ASTN1: variants seen among roughly 807,000 people sequenced by gnomAD.
ASTN1 encodes the protein astrotactin 1.
In ASTN1, 41 loss-of-function variants were observed where a neutral mutation model predicts 140.7. The observed-to-expected ratio is 0.29, with a 90% CI of 0.23 to 0.38. ASTN1 has a LOEUF of 0.38. Among genes scored for constraint, ASTN1 ranks in the 10% least tolerant of loss-of-function variants. ASTN1 has a pLI of 1.00. For missense variants in ASTN1, 1,479 were observed against 1,678.8 expected (o/e 0.88, Z 2.08); for synonymous variants, 640 against 652.2 (o/e 0.98, Z 0.29).
intron 2 of ASTN1, among the ~76,000 whole-genome samples, chr1:177,036,478 T>C (rs956535452): frequency 6.6e-6 from 1 of 152,212 alleles, no homozygotes; most frequent in Non-Finnish European, 1.5e-5. Flanking sequence ...GTAACTCAAA[T>C]TGGTGACAGA....
intron 21 of ASTN1, among the ~76,000 whole-genome samples, chr1:176,872,275 C>T (rs541485202): frequency 1.5e-4 from 22 of 150,764 alleles, no homozygotes; most frequent in East Asian, 1.9e-4. Context: ...AAATTGTTTT[C>T]GAGTGCTTAC....
At chr1:176,986,435 G>A (rs16850561) in intron 8 of ASTN1, among the ~76,000 whole-genome samples, 27,913 of 152,126 alleles carry the variant, frequency 0.18, 2,715 homozygotes, top group African/African-American at 0.24. Flanking sequence ...AGGGTAGTTG[G>A]ATGTAACACC....
At chr1:176,879,470 C>T (rs1014714829) in intron 20 of ASTN1, among the ~76,000 whole-genome samples, 1 of 152,188 alleles carries the variant, frequency 6.6e-6, no homozygotes, top group Non-Finnish European at 1.5e-5. Context: ...CATTCCTTAA[C>T]CCTGGACCCT....
intron 8 of ASTN1, among the ~76,000 whole-genome samples, chr1:177,007,118 T>C (rs566877077): frequency 6.6e-6 from 1 of 152,134 alleles, no homozygotes; most frequent in South Asian, 2.1e-4. Context: ...AGGTGCCAGG[T>C]GCGGTGGTTC....
At chr1:176,923,882 A>T (rs1446761274) in intron 16 of ASTN1, among the ~76,000 whole-genome samples, 1 of 152,190 alleles carries the variant, frequency 6.6e-6, no homozygotes, top group Non-Finnish European at 1.5e-5. Context: ...TCTGATGTAG[A>T]ATCTTCCCTT....
In ASTN1 at chr1:177,124,949, G is replaced by T. The variant is rs1681572856; in HGVS notation, c.283+39445C>A. 2.0e-5 allele frequency among the ~76,000 whole-genome samples: 3 copies of T among 152,196 alleles called. No individual in the cohort carries two copies. In the South Asian group the frequency reaches 6.2e-4, roughly 31 times the overall value. Reference sequence around the variant, plus strand: ...CTCTCACACGCCAACCCATCACTTGGCAAGTGTTCAGCCAGCATCAGCTAA... The same window carrying T: ...CTCTCACACGCCAACCCATCACTTGTCAAGTGTTCAGCCAGCATCAGCTAA... On this transcript the variant is annotated intron_variant, in intron 1 of 22. Transcript: ENST00000361833.
At chr1:177,095,234 G>A (rs1316235724) in intron 1 of ASTN1, among the ~76,000 whole-genome samples, 1 of 152,164 alleles carries the variant, frequency 6.6e-6, no homozygotes, top group Non-Finnish European at 1.5e-5. Flanking sequence ...AAATTTAAAA[G>A]ATTCTTAGCC....
At chr1:176,970,156 C>T (rs1239614446) in intron 8 of ASTN1, among the ~76,000 whole-genome samples, 1 of 152,214 alleles carries the variant, frequency 6.6e-6, no homozygotes, top group African/African-American at 2.4e-5. Flanking sequence ...ATTCTCTCTC[C>T]TCCCCTTTAG....
intron 1 of ASTN1, among the ~76,000 whole-genome samples, chr1:177,125,862 A>G (rs1278142636): frequency 1.3e-5 from 2 of 152,204 alleles, no homozygotes; most frequent in African/African-American, 4.8e-5. Context: ...AAAGGATAAT[A>G]TATTCTATGT....
At chr1:176,939,240 T>C (rs1671582469) in intron 14 of ASTN1, among the ~76,000 whole-genome samples, 1 of 152,206 alleles carries the variant, frequency 6.6e-6, no homozygotes, top group African/African-American at 2.4e-5. Flanking sequence ...TGCGTAAACT[T>C]GGCATTTCTT....
At chr1:176,868,783 G>A (rs527527122) in intron 22 of ASTN1, 61 bp downstream of exon 22, 266 of 1,486,048 alleles carry the variant, frequency 1.8e-4, no homozygotes, top group African/African-American at 1.4e-3. Flanking sequence ...GCAGTATTAC[G>A]GCACAAGAGG....
chr1:177,021,628 G>T (rs1290219111), intron 7 of ASTN1, among the ~76,000 whole-genome samples: 1 of 152,172 alleles, frequency 6.6e-6, no homozygotes, highest in East Asian at 1.9e-4. Flanking sequence ...TGAATGTAAA[G>T]CATAGAGGCA....
At chr1:177,154,543 G>A (rs533075711) in intron 1 of ASTN1, among the ~76,000 whole-genome samples, 41 of 152,250 alleles carry the variant, frequency 2.7e-4, no homozygotes, top group African/African-American at 9.4e-4. Context: ...TAAGTAGTAT[G>A]AGTAGATCTT....
chr1:176,923,647 C>T (rs182454320), intron 16 of ASTN1, among the ~76,000 whole-genome samples: 7 of 151,854 alleles, frequency 4.6e-5, no homozygotes, highest in South Asian at 2.1e-4. Context: ...AATCTCCTAC[C>T]GATTTATAAA....
chr1:177,031,025 A>C, intron 3 of ASTN1, 73 bp from the exon 4 acceptor site: 1 of 1,494,352 alleles, frequency 6.7e-7, no homozygotes, highest in Middle Eastern at 2.5e-4. Flanking sequence ...GGAAATCTGC[A>C]TAAACCAAGA....
At chr1:177,006,806 G>A (rs1188623503) in intron 8 of ASTN1, among the ~76,000 whole-genome samples, 2 of 152,142 alleles carry the variant, frequency 1.3e-5, no homozygotes, top group African/African-American at 4.8e-5. Context: ...GGGGTAGACA[G>A]CACTGTAGGT....
chr1:176,900,451 T>C (rs1022616460), intron 16 of ASTN1, among the ~76,000 whole-genome samples: 4 of 152,174 alleles, frequency 2.6e-5, no homozygotes, highest in African/African-American at 9.7e-5. Context: ...TGCTGGTGTG[T>C]TTCTCTCTCT....
In ASTN1 at chr1:176,863,218, C is replaced by T. The variant is rs1358155145; in HGVS notation, c.*1066G>A. On this transcript the variant is annotated 3_prime_UTR_variant, in exon 23 of 23. Coordinates refer to ENST00000361833, the MANE Select transcript of ASTN1 (RefSeq NM_004319.3). The stretch of plus-strand genomic sequence containing the variant: ...GTCATCAGAGAAACGATTTGCAAAA[C>T]TAGCAACACAAGCAAATTTAGCAAG... 1 of 985,794 alleles carries T rather than the reference C, an allele frequency of 1.0e-6. No homozygotes were observed. Among genetic ancestry groups the T allele is most frequent in the East Asian group, 1.1e-4 (1 of 8,830 alleles). 61.1% of individuals were successfully genotyped at this position (985,794 alleles called of 1,614,324 possible). A position where few individuals can be genotyped will look rare whatever the true frequency, so the allele number is the denominator to read the frequency against.
At chr1:177,001,929 C>A (rs572748156) in intron 8 of ASTN1, among the ~76,000 whole-genome samples, 1 of 152,284 alleles carries the variant, frequency 6.6e-6, no homozygotes, top group Admixed American at 6.5e-5. Context: ...TGTGGTTATA[C>A]ACAAGGGAGT....
Sources: gnomAD v4.1 joint callset for allele counts (sites outside exome capture counted in the v4.1 genomes callset) on GRCh38, gnomAD v4.1.1 for gene constraint, MANE v1.5 for transcripts, NCBI Gene and HGNC (gene_info 2026-07-23, HGNC 2026-07-21) for gene names.